TMEM131: variants seen among roughly 807,000 people sequenced by gnomAD.
The protein encoded by TMEM131 is transmembrane protein 131.
A neutral mutation model predicts 211.6 loss-of-function variants in TMEM131; 66 were observed. The ratio of observed to expected loss-of-function variants is 0.31; its 90% CI spans 0.26 to 0.38. TMEM131 has a LOEUF of 0.38. Ranked by LOEUF, TMEM131 falls within the 10% of genes least tolerant of loss-of-function variation. The pLI, the probability that TMEM131 is intolerant of heterozygous loss-of-function variation, is 1.00. For missense variants in TMEM131, 2,036 were observed against 2,299.3 expected, an observed-to-expected ratio of 0.89 and a Z score of 2.34; for synonymous variants, 844 against 841.3, an observed-to-expected ratio of 1.00 and a Z score of -0.06.
At chr2:97,830,147 A>AAAAAC (rs1682599388) in intron 11 of TMEM131, among the ~76,000 whole-genome samples, 1 of 150,572 alleles carries the variant, frequency 6.6e-6, no homozygotes, top group Admixed American at 6.6e-5. Context: ...AAAAAAAAAA[A>AAAAAC]AAAAAAAAAC....
In TMEM131 at chr2:97,813,993, C is replaced by T. The variant is rs759143820; in HGVS notation, c.1595G>A (p.Arg532Gln). Reference protein sequence around the residue: ...TNASKFHLPVRVYTGFLDYFV... With the variant: ...TNASKFHLPVQVYTGFLDYFV... ...TACATCTAAAAAGCCTGTGTATACC[C>T]GCACGGGTAAATGAAATTTAGAAGC... The change falls in exon 15 of 41, where the codon CGG becomes CAG. Residue 532 changes from arginine to glutamine, a missense_variant. By Grantham distance (43) the Arg-to-Gln change is conservative (BLOSUM62 1). Around this residue, in one of 3 missense-constraint regions of TMEM131, gnomAD observed 1,623 missense variants for 1,805.9 expected, o/e 0.90. Transcript: ENST00000186436. 6.9e-6 allele frequency: 11 copies of T among 1,596,594 alleles called. No individual in the cohort carries two copies. The highest frequency in any genetic ancestry group is 2.3e-5 in the South Asian group (2 of 88,488).
Position 97,911,408 on chromosome 2 carries a change from T to C in TMEM131, c.250-2710A>G, listed in dbSNP as rs118121922. Among the ~76,000 whole-genome samples, 78 of 152,326 alleles carry C rather than the reference T, an allele frequency of 5.1e-4. 3 individuals are homozygous for C. In the East Asian group the frequency reaches 0.013, roughly 25 times the overall value. On this transcript the variant is annotated intron_variant, in intron 2 of 40. Transcript: ENST00000186436. ...TACATAATTATGCCAACTTTTTAAA[T>C]TACATAATTTAAACACATGCAGTTT... is the stretch of plus-strand genomic sequence containing the variant.
rs185149954 is a variant in TMEM131, at chr2:97,920,560, G to C, written c.249+6866C>G. On this transcript the variant is annotated intron_variant, in intron 2 of 40. Transcript: ENST00000186436. ...GTTGTTCAAAAGCATCTACAGCTAA[G>C]TTATTAGAATCAATAAGTAATTTAG... Among the ~76,000 whole-genome samples the C allele has an allele frequency of 1.1e-4, 16 of 152,288 alleles. No individual in the cohort carries two copies. The East Asian group carries it at 3.1e-3, about 29-fold the overall frequency.
rs775903827 is a variant in TMEM131 at position 97,814,402 on chromosome 2, C to A, written c.1293-14G>T. The A allele has an allele frequency of 6.3e-5, 98 of 1,564,836 alleles. No individual in the cohort carries two copies. Among genetic ancestry groups the A allele is most frequent in the Non-Finnish European group, 7.6e-5 (88 of 1,155,382 alleles). The stretch of plus-strand genomic sequence containing the variant: ...AATCCCAAATAACTATTAAAAAAAA[C>A]AACAAGAACAAAATAAATCATTTTT... On this transcript the variant is annotated splice_polypyrimidine_tract_variant and intron_variant, in intron 13 of 40. Coordinates refer to ENST00000186436, the MANE Select transcript of TMEM131 (RefSeq NM_015348.2).
chr2:97,994,524 T>C (rs972435463), intron 1 of TMEM131, among the ~76,000 whole-genome samples: 7 of 152,178 alleles, frequency 4.6e-5, no homozygotes, highest in African/African-American at 1.2e-4. Context: ...ACTCTAAAAT[T>C]ACCGTGGCAA....
At chr2:97,785,994 T>C (rs1336930541) in intron 31 of TMEM131, among the ~76,000 whole-genome samples, 1 of 152,184 alleles carries the variant, frequency 6.6e-6, no homozygotes, top group Non-Finnish European at 1.5e-5. Context: ...ATAAATGGAA[T>C]CATAGTTGCC....
intron 3 of TMEM131, among the ~76,000 whole-genome samples, chr2:97,897,365 G>C (rs1434165550): frequency 2.0e-5 from 3 of 151,998 alleles, no homozygotes; most frequent in Non-Finnish European, 4.4e-5. Context: ...ATCTTAGAAA[G>C]AAAGCATTCA....
intron 4 of TMEM131, among the ~76,000 whole-genome samples, chr2:97,866,947 C>T (rs1283006087): frequency 6.6e-6 from 1 of 152,202 alleles, no homozygotes; most frequent in Admixed American, 6.5e-5. Context: ...CAACCCTAAT[C>T]TGAGAATCTG....
At chr2:97,759,477 G>T in intron 39 of TMEM131, 175 bp downstream of exon 39, 1 of 605,326 alleles carries the variant, frequency 1.7e-6, no homozygotes. Flanking sequence ...CTGCCCCTCT[G>T]GGCTGCTGGT....
chr2:97,922,795 C>A (rs1371261615), intron 2 of TMEM131, among the ~76,000 whole-genome samples: 1 of 151,984 alleles, frequency 6.6e-6, no homozygotes, highest in Non-Finnish European at 1.5e-5. Flanking sequence ...AGGGTAATGG[C>A]CTGTTTTTAG....
At chr2:97,926,066 C>A (rs964562982) in intron 2 of TMEM131, among the ~76,000 whole-genome samples, 1 of 150,868 alleles carries the variant, frequency 6.6e-6, no homozygotes, top group African/African-American at 2.4e-5. Context: ...GAGCCGAGAT[C>A]GCGCCACTGC....
At chr2:97,962,651 T>C (rs998272574) in intron 1 of TMEM131, among the ~76,000 whole-genome samples, 1 of 152,194 alleles carries the variant, frequency 6.6e-6, no homozygotes, top group Non-Finnish European at 1.5e-5. Context: ...TTAAACATAA[T>C]CTTACCATAC....
chr2:97,836,826 GA>G (rs1682962948), intron 8 of TMEM131, among the ~76,000 whole-genome samples: 1 of 152,156 alleles, frequency 6.6e-6, no homozygotes, highest in African/African-American at 2.4e-5. Flanking sequence ...AAGAATAGCT[GA>G]AGTTACTTTC....
At chr2:97,847,211 G>A (rs1430343298) in intron 5 of TMEM131, among the ~76,000 whole-genome samples, 7 of 151,614 alleles carry the variant, frequency 4.6e-5, no homozygotes, top group East Asian at 1.9e-4. Context: ...AAAGAAGTGC[G>A]AAAAAGAGAT....
chr2:97,837,189 CAA>C, intron 7 of TMEM131, 32 bp from the exon 8 acceptor site: 1 of 1,516,464 alleles, frequency 6.6e-7, no homozygotes, highest in Non-Finnish European at 8.9e-7. Flanking sequence ...TGGCTACGTT[CAA>C]AGTCATATTC....
intron 39 of TMEM131, 102 bp from the exon 40 acceptor site, chr2:97,759,155 G>A (rs1678675450): frequency 1.4e-6 from 2 of 1,448,286 alleles, no homozygotes; most frequent in Non-Finnish European, 1.9e-6. Flanking sequence ...CACTGCTCCT[G>A]GAGCCACCAC....
intron 4 of TMEM131, among the ~76,000 whole-genome samples, chr2:97,881,174 C>T (rs1036358032): frequency 1.3e-5 from 2 of 152,060 alleles, no homozygotes; most frequent in South Asian, 2.1e-4. Flanking sequence ...AGATGATTGC[C>T]GCAGTATCCT....
chr2:97,804,580 G>A (rs934438906), intron 22 of TMEM131, among the ~76,000 whole-genome samples: 4 of 135,684 alleles, frequency 2.9e-5, no homozygotes, highest in Non-Finnish European at 4.6e-5. Flanking sequence ...GGAGAATCAC[G>A]CCACTGCACT....
chr2:97,954,231 G>T (rs1678456710), intron 1 of TMEM131, among the ~76,000 whole-genome samples: 1 of 152,042 alleles, frequency 6.6e-6, no homozygotes, highest in African/African-American at 2.4e-5. Flanking sequence ...ATCAAATACT[G>T]GTTCTCTGAA....
Sources: allele counts gnomAD v4.1 joint callset (sites outside exome capture counted in the v4.1 genomes callset), GRCh38; gene constraint gnomAD v4.1.1; regional missense constraint gnomAD v4.1.1; transcripts MANE v1.5; gene names NCBI Gene and HGNC (gene_info 2026-07-23, HGNC 2026-07-21).